YAE1: variants seen among roughly 807,000 people sequenced by gnomAD.
The protein encoded by YAE1 is protein YAE1 homolog.
Under a neutral mutation model 23.0 loss-of-function variants are expected in YAE1, and 22 were observed. That is an observed-to-expected ratio of 0.96 (90% CI 0.68 to 1.37). YAE1 has a LOEUF of 1.37. Among genes scored for constraint, YAE1 ranks in the 40% most tolerant of loss-of-function variants. YAE1 has a pLI of 0.00. For missense variants in YAE1, 260 were observed against 262.1 expected (o/e 0.99, Z 0.06); for synonymous variants, 101 against 97.0 (o/e 1.04, Z -0.24).
chr7:39,597,902 T>C (rs1187980401), intron 2 of YAE1, among the ~76,000 whole-genome samples: 1 of 152,150 alleles, frequency 6.6e-6, no homozygotes, highest in Admixed American at 6.5e-5. Flanking sequence ...AGTTTCTGGG[T>C]AGAAAGGGAA....
At chr7:39,593,968 T>C (rs1790942034) in intron 2 of YAE1, among the ~76,000 whole-genome samples, 1 of 152,226 alleles carries the variant, frequency 6.6e-6, no homozygotes, top group African/African-American at 2.4e-5. Context: ...TTTCTTCTTA[T>C]GTCTAGTAAT....
intron 2 of YAE1, among the ~76,000 whole-genome samples, chr7:39,603,397 C>T (rs1791082872): frequency 6.6e-6 from 1 of 152,150 alleles, no homozygotes; most frequent in African/African-American, 2.4e-5. Context: ...CTCGGCCTCC[C>T]AAAGTTCTGG....
chr7:39,587,617 C>T (rs1282928536), intron 2 of YAE1, among the ~76,000 whole-genome samples: 4 of 152,218 alleles, frequency 2.6e-5, no homozygotes, highest in African/African-American at 9.6e-5. Flanking sequence ...GTCACCCATG[C>T]AACACATCTG....
intron 1 of YAE1, chr7:39,570,048 AT>A: frequency 7.5e-7 from 1 of 1,337,764 alleles, no homozygotes. Context: ...GGGGCATAAA[AT>A]TGTATCATCC....
At chr7:39,607,689 G>A (rs180915003) in intron 2 of YAE1, among the ~76,000 whole-genome samples, 1 of 152,320 alleles carries the variant, frequency 6.6e-6, no homozygotes, top group East Asian at 1.9e-4. Context: ...TGTTTTTTAA[G>A]ATGTAGTCTC....
chr7:39,571,262 A>AT (rs1263182801), intron 2 of YAE1, among the ~76,000 whole-genome samples: 2 of 146,170 alleles, frequency 1.4e-5, no homozygotes, highest in Non-Finnish European at 3.0e-5. Flanking sequence ...TTTTCATGAT[A>AT]TTTTTTCTTT....
At chr7:39,603,260 T>C (rs983770591) in intron 2 of YAE1, among the ~76,000 whole-genome samples, 3 of 152,200 alleles carry the variant, frequency 2.0e-5, no homozygotes, top group African/African-American at 4.8e-5. Context: ...TGCGTCAGCC[T>C]CCCGAGTAGC....
chr7:39,602,373 C>G (rs761724735), intron 2 of YAE1, among the ~76,000 whole-genome samples: 1 of 152,180 alleles, frequency 6.6e-6, no homozygotes, highest in Non-Finnish European at 1.5e-5. Flanking sequence ...ACCTGCAGAG[C>G]TAGTTAGACA....
chr7:39,592,206 A>G lies in YAE1; in HGVS notation c.252-17411A>G, dbSNP rs1324807524. 3.3e-5 allele frequency among the ~76,000 whole-genome samples: 5 copies of G among 152,228 alleles called. No individual in the cohort carries two copies. The East Asian group carries it at 9.6e-4, about 29-fold the overall frequency. ...CCTTTGGGTAAATATCAAAAAGTAC[A>G]ATTGCTGGATCATATGGTAAGAGTA... On this transcript the variant is annotated intron_variant, in intron 2 of 2. Coordinates refer to the YAE1 transcript ENST00000432096.
At chr7:39,605,690 C>G (rs1791119709) in intron 2 of YAE1, among the ~76,000 whole-genome samples, 2 of 152,192 alleles carry the variant, frequency 1.3e-5, no homozygotes, top group African/African-American at 2.4e-5. Flanking sequence ...GATCTCGGGA[C>G]TTCTCAGCCT....
intron 2 of YAE1, among the ~76,000 whole-genome samples, chr7:39,601,134 G>A (rs1391541369): frequency 2.0e-5 from 3 of 152,166 alleles, no homozygotes; most frequent in African/African-American, 7.2e-5. Flanking sequence ...CAAGCACAAA[G>A]CGAAAATGCT....
intron 2 of YAE1, among the ~76,000 whole-genome samples, chr7:39,605,408 T>C (rs550205860): frequency 1.3e-5 from 2 of 152,336 alleles, no homozygotes; most frequent in African/African-American, 4.8e-5. Context: ...TCCTATCTAC[T>C]ATGGGTAGCC....
At chr7:39,586,318 G>A (rs552902853) in intron 2 of YAE1, among the ~76,000 whole-genome samples, 6 of 150,620 alleles carry the variant, frequency 4.0e-5, no homozygotes, top group Non-Finnish European at 7.4e-5. Context: ...GACTACAGGC[G>A]CCTGCCACCA....
chr7:39,606,689 A>G (rs1791134401), intron 2 of YAE1, among the ~76,000 whole-genome samples: 1 of 112,696 alleles, frequency 8.9e-6, no homozygotes, highest in South Asian at 3.8e-4. Context: ...AAGATTCCAG[A>G]CTTAATACCA....
chr7:39,598,509 G>T (rs1301333778), intron 2 of YAE1, among the ~76,000 whole-genome samples: 1 of 151,678 alleles, frequency 6.6e-6, no homozygotes, highest in Non-Finnish European at 1.5e-5. Context: ...AGGTGCAGTG[G>T]CTCACACCTA....
chr7:39,579,219 G>A (rs1790705826), intron 2 of YAE1, among the ~76,000 whole-genome samples: 1 of 152,164 alleles, frequency 6.6e-6, no homozygotes. Flanking sequence ...TTAGAGATTA[G>A]GAAATCGAGG....
intron 2 of YAE1, among the ~76,000 whole-genome samples, chr7:39,605,613 T>TTCTCAGGC (rs1232767824): frequency 6.6e-6 from 1 of 152,180 alleles, no homozygotes; most frequent in Non-Finnish European, 1.5e-5. Flanking sequence ...GCTCTCCTGG[T>TTCTCAGGC]TCTCAGGCTC....
intron 2 of YAE1, among the ~76,000 whole-genome samples, chr7:39,600,118 C>T (rs10266149): frequency 0.87 from 132,492 of 152,214 alleles, 57,813 homozygotes; most frequent in African/African-American, 0.92. Context: ...CAATTTATTA[C>T]TGTATTTCCA....
At chr7:39,602,894 G>A (rs1274958143) in intron 2 of YAE1, among the ~76,000 whole-genome samples, 5 of 152,046 alleles carry the variant, frequency 3.3e-5, no homozygotes, top group Admixed American at 2.0e-4. Context: ...GATTACAGGC[G>A]TGCGCCACCA....
Sources: allele counts gnomAD v4.1 joint callset (sites outside exome capture counted in the v4.1 genomes callset), GRCh38; gene constraint gnomAD v4.1.1; transcripts MANE v1.5; gene names NCBI Gene and HGNC (gene_info 2026-07-23, HGNC 2026-07-21).